The following STAC variants were observed in gnomAD, a reference collection of about 807,000 sequenced individuals.
The protein encoded by STAC is SH3 and cysteine rich domain, also known as SH3 and cysteine-rich domain-containing protein.
STAC carries 43 observed loss-of-function variants against 48.8 expected under a neutral mutation model. That is an observed-to-expected ratio of 0.88 (90% confidence interval 0.69 to 1.14). STAC has a LOEUF of 1.14. Ranked by LOEUF, STAC falls within the 50% of genes most tolerant of loss-of-function variation. The pLI is 0.00. For missense variants in STAC, 497 were observed against 504.0 expected (o/e 0.99, Z 0.13); for synonymous variants, 193 against 179.5 (o/e 1.07, Z -0.60).
At chr3:36,538,604 G>A (rs914175876) in intron 10 of STAC, among the ~76,000 whole-genome samples, 1 of 152,118 alleles carries the variant, frequency 6.6e-6, no homozygotes, top group Admixed American at 6.6e-5. Context: ...GAAAGGTCGT[G>A]CCAACTTACA....
At chr3:36,528,596 TA>T in intron 8 of STAC, 99 bp from the exon 9 acceptor site, 1 of 972,318 alleles carries the variant, frequency 1.0e-6, no homozygotes, top group South Asian at 2.0e-5. Flanking sequence ...CTATTTCTTT[TA>T]AGACTATTTG....
intron 7 of STAC, among the ~76,000 whole-genome samples, chr3:36,505,468 A>G (rs1427495288): frequency 6.6e-6 from 1 of 152,166 alleles, no homozygotes; most frequent in Non-Finnish European, 1.5e-5. Context: ...ATGAACAACT[A>G]TATTATCAAA....
chr3:36,470,453 G>C (rs11928382), intron 2 of STAC, among the ~76,000 whole-genome samples: 1 of 152,110 alleles, frequency 6.6e-6, no homozygotes, highest in Admixed American at 6.5e-5. Flanking sequence ...TTCCAGCACC[G>C]GCTCCAGTGG....
chr3:36,463,683 G>A (rs1697083565), intron 2 of STAC, among the ~76,000 whole-genome samples: 1 of 102,310 alleles, frequency 9.8e-6, no homozygotes, highest in Admixed American at 1.5e-4. Flanking sequence ...CCCCACAACA[G>A]GCCCCAGTGT....
At chr3:36,413,335 T>A (rs150308852) in intron 1 of STAC, among the ~76,000 whole-genome samples, 192 of 152,352 alleles carry the variant, frequency 1.3e-3, no homozygotes, top group African/African-American at 3.9e-3. Context: ...CTCTAAGGAC[T>A]TACTTTATGA....
At chr3:36,511,712 C>T (rs1352064680) in intron 8 of STAC, among the ~76,000 whole-genome samples, 1 of 152,316 alleles carries the variant, frequency 6.6e-6, no homozygotes, top group South Asian at 2.1e-4. Context: ...GAAAGCCTGC[C>T]TCTCCACACT....
chr3:36,499,181 G>T (rs971879076), intron 6 of STAC, among the ~76,000 whole-genome samples: 3 of 152,126 alleles, frequency 2.0e-5, no homozygotes, highest in African/African-American at 7.2e-5. Context: ...AGGAAAATAT[G>T]ACCTCAATGG....
intron 1 of STAC, among the ~76,000 whole-genome samples, chr3:36,420,428 G>A (rs1006320169): frequency 2.6e-5 from 4 of 152,112 alleles, no homozygotes; most frequent in Admixed American, 6.5e-5. Context: ...GACTAGTACC[G>A]GTCTGTAGCC....
chr3:36,502,892 G>C (rs185079906), intron 6 of STAC, among the ~76,000 whole-genome samples: 2 of 152,134 alleles, frequency 1.3e-5, no homozygotes, highest in Non-Finnish European at 2.9e-5. Flanking sequence ...CTGCATATTG[G>C]CTTCCTAGGG....
intron 2 of STAC, among the ~76,000 whole-genome samples, chr3:36,475,027 G>A (rs1210536963): frequency 6.6e-6 from 1 of 152,134 alleles, no homozygotes; most frequent in Non-Finnish European, 1.5e-5. Flanking sequence ...GCGCACGCAT[G>A]TGTGTTTGTA....
chr3:36,438,941 T>C (rs1476719965), intron 1 of STAC, among the ~76,000 whole-genome samples: 1 of 152,180 alleles, frequency 6.6e-6, no homozygotes, highest in Non-Finnish European at 1.5e-5. Context: ...TATCACTTTT[T>C]AGAAATTTGA....
chr3:36,402,062 A>G (rs1307474351), intron 1 of STAC, among the ~76,000 whole-genome samples: 1 of 152,184 alleles, frequency 6.6e-6, no homozygotes, highest in East Asian at 1.9e-4. Flanking sequence ...ACTGAGATTC[A>G]TTTCTGACTC....
intron 2 of STAC, among the ~76,000 whole-genome samples, chr3:36,456,397 GA>G (rs1229739595): frequency 2.6e-5 from 4 of 152,022 alleles, no homozygotes; most frequent in South Asian, 4.1e-4. Flanking sequence ...TTAAAAAATA[GA>G]AAAAAGACAC....
intron 1 of STAC, among the ~76,000 whole-genome samples, chr3:36,417,279 T>A (rs1463994304): frequency 6.6e-6 from 1 of 152,216 alleles, no homozygotes; most frequent in Non-Finnish European, 1.5e-5. Flanking sequence ...TTTTCCCATA[T>A]AAATGGAACC....
At chr3:36,537,145 A>G (rs1699217509) in intron 10 of STAC, among the ~76,000 whole-genome samples, 2 of 152,196 alleles carry the variant, frequency 1.3e-5, no homozygotes, top group African/African-American at 4.8e-5. Context: ...CAATTTCTCA[A>G]AAACCTAGAA....
chr3:36,465,520 A>T (rs1697143915), intron 2 of STAC, among the ~76,000 whole-genome samples: 2 of 152,312 alleles, frequency 1.3e-5, no homozygotes, highest in Middle Eastern at 3.4e-3. Context: ...GTTCTTGGTC[A>T]TGAAGTCTTT....
chr3:36,535,603 G>C (rs1238404216), intron 10 of STAC, among the ~76,000 whole-genome samples: 1 of 152,124 alleles, frequency 6.6e-6, no homozygotes, highest in Admixed American at 6.5e-5. Context: ...TTGGCTGTGG[G>C]TTTGCCATAA....
chr3:36,440,232 T>C (rs554227273), intron 1 of STAC, among the ~76,000 whole-genome samples: 1 of 152,290 alleles, frequency 6.6e-6, no homozygotes, highest in African/African-American at 2.4e-5. Context: ...ACCACATGCA[T>C]AGCATGCAGG....
intron 8 of STAC, among the ~76,000 whole-genome samples, chr3:36,524,487 G>C (rs1698881779): frequency 6.6e-6 from 1 of 152,166 alleles, no homozygotes; most frequent in Admixed American, 6.5e-5. Context: ...AGCTACTTAG[G>C]AGGCTGAGGC....
Sources: gnomAD v4.1 joint callset for allele counts (sites outside exome capture counted in the v4.1 genomes callset) on GRCh38, gnomAD v4.1.1 for gene constraint, MANE v1.5 for transcripts, NCBI Gene and HGNC (gene_info 2026-07-23, HGNC 2026-07-21) for gene names.